The following SLA variants were observed in gnomAD, a reference collection of about 807,000 sequenced individuals.
The protein encoded by SLA is src-like-adapter.
Under a neutral mutation model 30.3 loss-of-function variants are expected in SLA, and 16 were observed. That is an observed-to-expected ratio of 0.53 (90% CI 0.36 to 0.80). The LOEUF is 0.80. Among genes scored for constraint, SLA ranks in the 30% least tolerant of loss-of-function variants. The pLI is 0.01. For synonymous variants in SLA, 143 were observed against 137.8 expected (o/e 1.04, Z -0.26); for missense variants, 310 against 345.2 (o/e 0.90, Z 0.81).
rs968919050 is a variant in SLA, at chr8:133,047,629, C to T, written c.352+201G>A. 2.5e-5 allele frequency: 15 copies of T among 590,098 alleles called. 1 individual carries two copies. Among genetic ancestry groups the T allele is most frequent in the South Asian group, 7.7e-5 (4 of 52,194 alleles). The allele number at this position is 590,098 out of a possible 1,614,324, so 36.6% of individuals were successfully genotyped here. ...GGCCAGGCCCGTGGCAGTGCCCAGCCGGCTCCCCACTGCCTGTCTCTAGTC... is the reference window on the plus strand; with the variant it reads ...GGCCAGGCCCGTGGCAGTGCCCAGCTGGCTCCCCACTGCCTGTCTCTAGTC... On this transcript the variant is annotated intron_variant, in intron 6 of 8. Coordinates refer to ENST00000338087, the MANE Select transcript of SLA (RefSeq NM_001045556.3).
chr8:133,060,250 C>A (rs1475724156), intron 2 of SLA, 50 bp from the exon 3 acceptor site: 6 of 1,611,374 alleles, frequency 3.7e-6, no homozygotes, highest in Non-Finnish European at 5.1e-6. Flanking sequence ...CTGAGCCCTC[C>A]AAGTGGAGAA....
intron 1 of SLA, chr8:133,096,379 C>T (rs747001019): frequency 6.2e-7 from 1 of 1,614,096 alleles, no homozygotes; most frequent in Non-Finnish European, 8.5e-7. Flanking sequence ...TGAAGGTAAG[C>T]AGGGAGGGGG....
chr8:133,049,941 C>T lies in SLA; in HGVS notation c.209G>A (p.Ser70Asn). The T allele has an allele frequency of 6.2e-7, 1 of 1,613,784 alleles. No homozygotes were observed. Among genetic ancestry groups the T allele is most frequent in the South Asian group, 1.1e-5 (1 of 91,084 alleles). The change falls in exon 5 of 9, where the codon AGT becomes AAT. Residue 70 changes from serine (S) to asparagine (N), a missense_variant. Ser to Asn is a conservative substitution (Grantham distance 46, BLOSUM62 1). Coordinates refer to ENST00000338087, the MANE Select transcript of SLA (RefSeq NM_001045556.3). ...GGCCACACATATTCCAGGGATGTAA[C>T]TCTCTCGACCAGTGCTAAGAGAAAT... ...KAISLSTGRE[S>N]YIPGICVARV...
Position 133,074,957 on chromosome 8 carries a change from C to T in SLA, c.-145G>A. ...TCAACTGCTGCTGCTCCAGAATAAA[C>T]AGGCAGCCGGGCTTCTCGCGGTTGT... On this transcript the variant is annotated 5_prime_UTR_variant, in exon 2 of 9. Transcript: ENST00000338087. 1.0e-6 allele frequency: 1 copy of T among 985,540 alleles called. No homozygotes were observed. The highest frequency in any genetic ancestry group is 1.2e-6 in the Non-Finnish European group (1 of 830,000). 61.0% of individuals were successfully genotyped at this position (985,540 alleles called of 1,614,324 possible).
At chr8:133,057,352 A>G (rs1245507228) in intron 3 of SLA, among the ~76,000 whole-genome samples, 1 of 152,206 alleles carries the variant, frequency 6.6e-6, no homozygotes, top group Non-Finnish European at 1.5e-5. Context: ...GTACAGAAGT[A>G]TGTATAGAAT....
At chr8:133,079,747 A>G (rs1845463664) in intron 1 of SLA, among the ~76,000 whole-genome samples, 1 of 152,198 alleles carries the variant, frequency 6.6e-6, no homozygotes, top group African/African-American at 2.4e-5. Context: ...CTTGGGAACT[A>G]GAAAGCTTTC....
At chr8:133,089,116 C>G (rs557245795) in intron 1 of SLA, among the ~76,000 whole-genome samples, 1 of 152,288 alleles carries the variant, frequency 6.6e-6, no homozygotes, top group Non-Finnish European at 1.5e-5. Flanking sequence ...CTCTGGGTCA[C>G]ACACTACCCC....
chr8:133,051,094 C>T (rs115999001), intron 3 of SLA, among the ~76,000 whole-genome samples, 179 bp from the exon 4 acceptor site: 98 of 152,292 alleles, frequency 6.4e-4, no homozygotes, highest in African/African-American at 2.1e-3. Flanking sequence ...GCAGGGTGTG[C>T]GTACGAGCCC....
chr8:133,089,100 A>G (rs1355735456), intron 1 of SLA, among the ~76,000 whole-genome samples: 2 of 152,130 alleles, frequency 1.3e-5, no homozygotes, highest in Non-Finnish European at 2.9e-5. Flanking sequence ...GGGTGGAGAC[A>G]TGGCACTCTG....
At chr8:133,072,657 G>T (rs1358572039) in intron 2 of SLA, among the ~76,000 whole-genome samples, 1 of 152,220 alleles carries the variant, frequency 6.6e-6, no homozygotes, top group Non-Finnish European at 1.5e-5. Flanking sequence ...ATCTATTAAT[G>T]CAGGGCACTG....
intron 1 of SLA, among the ~76,000 whole-genome samples, chr8:133,076,945 C>T (rs1844978771): frequency 6.6e-6 from 1 of 152,086 alleles, no homozygotes; most frequent in Non-Finnish European, 1.5e-5. Context: ...TACTACTTCC[C>T]CTAGGAGGAG....
intron 1 of SLA, among the ~76,000 whole-genome samples, chr8:133,099,885 C>T (rs1170969543): frequency 6.6e-6 from 1 of 152,160 alleles, no homozygotes; most frequent in African/African-American, 2.4e-5. Flanking sequence ...TTTGTGCTAG[C>T]CCCCAACTCT....
At chr8:133,059,270 G>C in intron 3 of SLA, 1 of 382,782 alleles carries the variant, frequency 2.6e-6, no homozygotes, top group South Asian at 1.9e-5. Context: ...GTGCCCCCTG[G>C]CTTCCCTAAC....
At chr8:133,064,923 T>A (rs1216088445) in intron 2 of SLA, among the ~76,000 whole-genome samples, 1 of 152,040 alleles carries the variant, frequency 6.6e-6, no homozygotes, top group Non-Finnish European at 1.5e-5. Context: ...GGAGACAAAT[T>A]GAGGAAGTCC....
intron 2 of SLA, 129 bp from the exon 3 acceptor site, chr8:133,060,329 A>G (rs1244868458): frequency 1.3e-6 from 2 of 1,554,148 alleles, no homozygotes; most frequent in South Asian, 1.2e-5. Flanking sequence ...GGCTGTTTAT[A>G]TGTGAAGATG....
intron 3 of SLA, among the ~76,000 whole-genome samples, chr8:133,054,418 G>A (rs1378153490): frequency 2.6e-5 from 4 of 152,292 alleles, no homozygotes; most frequent in East Asian, 1.9e-4. Flanking sequence ...ACAGTGATGC[G>A]ATTTGGGGGG....
intron 1 of SLA, chr8:133,087,904 C>T (rs1375232043): frequency 2.0e-5 from 3 of 152,244 alleles, no homozygotes; most frequent in Non-Finnish European, 4.4e-5. Context: ...GGGTCTTAAC[C>T]TCTTTCACCT....
intron 3 of SLA, among the ~76,000 whole-genome samples, chr8:133,054,003 CA>C (rs1349261653): frequency 6.6e-6 from 1 of 152,182 alleles, no homozygotes; most frequent in Non-Finnish European, 1.5e-5. Flanking sequence ...GAAGGTATTA[CA>C]GTTTGGCTTG....
chr8:133,094,723 G>A (rs369090681), intron 1 of SLA: 3 of 409,890 alleles, frequency 7.3e-6, no homozygotes, highest in Non-Finnish European at 1.4e-5. Context: ...CACAATCTCC[G>A]ATCCTCTTAA....
Sources: gnomAD v4.1 joint callset for allele counts (sites outside exome capture counted in the v4.1 genomes callset) on GRCh38, gnomAD v4.1.1 for gene constraint, MANE v1.5 for transcripts, NCBI Gene and HGNC (gene_info 2026-07-23, HGNC 2026-07-21) for gene names.